The following TMTC1 variants were observed in gnomAD, a reference collection of about 807,000 sequenced individuals.
TMTC1 encodes protein O-mannosyl-transferase TMTC1.
Under a neutral mutation model 104.8 loss-of-function variants are expected in TMTC1, and 73 were observed. The ratio of observed to expected loss-of-function variants is 0.70; its 90% CI spans 0.58 to 0.85. The LOEUF (loss-of-function observed/expected upper bound fraction) is 0.85. Ranked by LOEUF, TMTC1 falls within the 40% of genes least tolerant of loss-of-function variation. The pLI is 0.00. For synonymous variants in TMTC1, 434 were observed against 428.7 expected, an observed-to-expected ratio of 1.01 and a Z score of -0.15; for missense variants, 1,035 against 1,096.1, an observed-to-expected ratio of 0.94 and a Z score of 0.79.
intron 9 of TMTC1, among the ~76,000 whole-genome samples, chr12:29,566,373 G>A (rs950201387): frequency 1.3e-5 from 2 of 152,172 alleles, no homozygotes; most frequent in African/African-American, 4.8e-5. Context: ...GGGCGAGCAT[G>A]GAGGCTGCTG....
intron 5 of TMTC1, among the ~76,000 whole-genome samples, chr12:29,693,903 T>C (rs563259781): frequency 6.6e-6 from 1 of 152,336 alleles, no homozygotes; most frequent in South Asian, 2.1e-4. Context: ...TAGAGCAGAC[T>C]GAAATATCTG....
chr12:29,540,544 G>A lies in TMTC1; in HGVS notation c.1677-4227C>T, dbSNP rs377143499. Among the ~76,000 whole-genome samples, 13 of 152,308 alleles carry A rather than the reference G, an allele frequency of 8.5e-5. No individual in the cohort carries two copies. In the East Asian group the frequency reaches 2.5e-3, roughly 29 times the overall value. ...CATTTCTGTGTTCACTCGCTGAAAT[G>A]TTATACAATTTATCTGTGACCACCA... On this transcript the variant is annotated intron_variant, in intron 10 of 17. Coordinates refer to ENST00000539277, the MANE Select transcript of TMTC1 (RefSeq NM_001193451.2).
At chr12:29,536,881 A>C (rs550144181) in intron 10 of TMTC1, among the ~76,000 whole-genome samples, 10 of 152,328 alleles carry the variant, frequency 6.6e-5, no homozygotes, top group African/African-American at 2.4e-4. Flanking sequence ...AAGAATAATG[A>C]GACATTTTAT....
intron 5 of TMTC1, among the ~76,000 whole-genome samples, chr12:29,662,381 G>T (rs1474163090): frequency 6.6e-6 from 1 of 152,150 alleles, no homozygotes; most frequent in African/African-American, 2.4e-5. Context: ...GCCAGGTGAG[G>T]TGGCTCACGC....
chr12:29,777,245 C>G (rs1411031264), intron 1 of TMTC1, among the ~76,000 whole-genome samples: 1 of 152,092 alleles, frequency 6.6e-6, no homozygotes, highest in Non-Finnish European at 1.5e-5. Context: ...CAGGTGCACA[C>G]CACCATGCCC....
intron 5 of TMTC1, among the ~76,000 whole-genome samples, chr12:29,672,335 C>CAAA: frequency 6.6e-6 from 1 of 152,212 alleles, no homozygotes; most frequent in East Asian, 1.9e-4. Context: ...TTTCAAACCA[C>CAAA]AGGGTCAGTA....
At chr12:29,779,749 G>A (rs960781216) in intron 1 of TMTC1, among the ~76,000 whole-genome samples, 1 of 152,150 alleles carries the variant, frequency 6.6e-6, no homozygotes, top group Admixed American at 6.5e-5. Flanking sequence ...ACAAGCTACA[G>A]AGTGGGAGAA....
rs1397381143 is a variant in TMTC1 at position 29,783,138 on chromosome 12, G to C, written c.302+312C>G. 3.1e-6 allele frequency: 1 copy of C among 317,796 alleles called. No individual in the cohort carries two copies. Among genetic ancestry groups the C allele is most frequent in the East Asian group, 4.9e-5 (1 of 20,288 alleles). The allele number at this position is 317,796 out of a possible 1,614,324, so 19.7% of individuals were successfully genotyped here. A position where few individuals can be genotyped will look rare whatever the true frequency, so the allele number is the denominator to read the frequency against. The stretch of plus-strand genomic sequence containing the variant: ...TTGGTCACGATCCGGCAGGCGAAGG[G>C]GTGCGGAGGCGGTTTCACCAGCCCG... On this transcript the variant is annotated intron_variant, in intron 1 of 17. Coordinates refer to ENST00000539277, the MANE Select transcript of TMTC1 (RefSeq NM_001193451.2). The surrounding 1 kb of genome is among the most constrained non-coding windows in gnomAD (Gnocchi z 4.7).
At chr12:29,536,550 C>CT (rs1944650065) in intron 10 of TMTC1, among the ~76,000 whole-genome samples, 3 of 152,192 alleles carry the variant, frequency 2.0e-5, no homozygotes, top group Non-Finnish European at 4.4e-5. Flanking sequence ...AGGTTATCCA[C>CT]TTTTTTCTAC....
chr12:29,579,618 A>G (rs1215937957), intron 8 of TMTC1, among the ~76,000 whole-genome samples: 2 of 152,200 alleles, frequency 1.3e-5, no homozygotes, highest in African/African-American at 4.8e-5. Context: ...GTCCCTTTCT[A>G]GGTATTTTGA....
chr12:29,537,073 T>C (rs1944666059), intron 10 of TMTC1, among the ~76,000 whole-genome samples: 1 of 152,198 alleles, frequency 6.6e-6, no homozygotes, highest in Admixed American at 6.5e-5. Context: ...CTGATATCAA[T>C]ATCTTTGGGG....
Position 29,674,380 on chromosome 12 carries a change from A to C in TMTC1, c.939-41044T>G, listed in dbSNP as rs1307579278. Among the ~76,000 whole-genome samples the C allele has an allele frequency of 2.0e-5, 3 of 151,940 alleles. No homozygotes were observed. In the East Asian group the frequency reaches 5.8e-4, roughly 29 times the overall value. On this transcript the variant is annotated intron_variant, in intron 5 of 17. Coordinates refer to ENST00000539277, the MANE Select transcript of TMTC1 (RefSeq NM_001193451.2). Reference sequence around the variant, plus strand: ...AATAGTAACCAGAAATCAGCTGAAAATACTAAAACCCTATGGCCTATCCTT... The same window carrying C: ...AATAGTAACCAGAAATCAGCTGAAACTACTAAAACCCTATGGCCTATCCTT...
At chr12:29,718,260 T>C (rs966741785) in intron 5 of TMTC1, among the ~76,000 whole-genome samples, 3 of 152,236 alleles carry the variant, frequency 2.0e-5, no homozygotes, top group Non-Finnish European at 4.4e-5. Flanking sequence ...TCCTGTTTTT[T>C]GTGGCTTTTC....
chr12:29,739,735 G>A (rs1942775813), intron 5 of TMTC1, among the ~76,000 whole-genome samples: 1 of 151,998 alleles, frequency 6.6e-6, no homozygotes, highest in Admixed American at 6.5e-5. Flanking sequence ...CCGAGATGGG[G>A]TCTTGCTCTG....
intron 2 of TMTC1, among the ~76,000 whole-genome samples, chr12:29,766,584 T>C (rs1199120531): frequency 6.6e-6 from 1 of 152,180 alleles, no homozygotes; most frequent in Non-Finnish European, 1.5e-5. Flanking sequence ...CCTCAGAGGC[T>C]TGTACACCTG....
chr12:29,643,622 TA>T (rs1410587268), intron 5 of TMTC1, among the ~76,000 whole-genome samples: 8 of 28,578 alleles, frequency 2.8e-4, no homozygotes, highest in African/African-American at 1.1e-3. Context: ...AATATATATC[TA>T]TATATTATAT....
chr12:29,532,297 T>C (rs1354931685), intron 11 of TMTC1, among the ~76,000 whole-genome samples: 1 of 152,078 alleles, frequency 6.6e-6, no homozygotes, highest in African/African-American at 2.4e-5. Flanking sequence ...CGGAAAGCAA[T>C]TTGGTAACAC....
At position 29,553,483 on chromosome 12, in the gene TMTC1, C is replaced by G. The variant is rs151131629; in HGVS notation, c.1676+3374G>C. On this transcript the variant is annotated intron_variant, in intron 10 of 17. Coordinates refer to ENST00000539277, the MANE Select transcript of TMTC1 (RefSeq NM_001193451.2). ...GGTGTAACAGGCAAGAGGAGGTAAA[C>G]AAGGATAACTTGTTTGGACCTCTGT... Among the ~76,000 whole-genome samples the G allele has an allele frequency of 8.9e-3, 1,351 of 152,180 alleles. 25 individuals are homozygous for G. Among genetic ancestry groups the G allele is most frequent in the African/African-American group, 0.031 (1,283 of 41,512 alleles).
intron 7 of TMTC1, among the ~76,000 whole-genome samples, chr12:29,599,991 T>C (rs967130631): frequency 6.0e-5 from 6 of 100,110 alleles, no homozygotes; most frequent in African/African-American, 3.0e-4. Context: ...TGTGTGTATA[T>C]ACATATATAT....
Sources: gnomAD v4.1 joint callset for allele counts (sites outside exome capture counted in the v4.1 genomes callset) on GRCh38, gnomAD v4.1.1 for gene constraint, Gnocchi (gnomAD v3.1) non-coding constraint, MANE v1.5 for transcripts, NCBI Gene and HGNC (gene_info 2026-07-23, HGNC 2026-07-21) for gene names.